Variants in CAPN5 observed in about 807,000 individuals in gnomAD.
CAPN5 encodes calpain 5, also known as calpain-5.
Under a neutral mutation model 73.0 loss-of-function variants are expected in CAPN5, and 54 were observed. The observed-to-expected ratio is 0.74, with a 90% CI of 0.59 to 0.93. The LOEUF (loss-of-function observed/expected upper bound fraction) is 0.93. Ranked by LOEUF, CAPN5 falls within the 40% of genes least tolerant of loss-of-function variation. CAPN5 has a pLI of 0.00. For synonymous variants in CAPN5, 335 were observed against 356.9 expected (o/e 0.94, Z 0.69); for missense variants, 785 against 882.9 (o/e 0.89, Z 1.41).
intron 1 of CAPN5, among the ~76,000 whole-genome samples, chr11:77,075,251 A>G (rs1470709290): frequency 3.9e-5 from 6 of 152,112 alleles, no homozygotes; most frequent in Admixed American, 3.3e-4. Flanking sequence ...TCAGGGCTGA[A>G]AACATCCTCC....
intron 4 of CAPN5, among the ~76,000 whole-genome samples, chr11:77,113,304 C>A: frequency 6.6e-6 from 1 of 152,246 alleles, no homozygotes; most frequent in East Asian, 1.9e-4. Context: ...GTGCCTTCTG[C>A]TTCTGTGTCC....
chr11:77,072,853 A>C (rs1037521067), intron 1 of CAPN5: 19 of 311,346 alleles, frequency 6.1e-5, no homozygotes, highest in Middle Eastern at 2.4e-3. Context: ...CCAGATTGAA[A>C]AATAGTGTGT....
chr11:77,110,667 C>T (rs1950402677), intron 3 of CAPN5, among the ~76,000 whole-genome samples: 1 of 152,214 alleles, frequency 6.6e-6, no homozygotes, highest in African/African-American at 2.4e-5. Context: ...GTGCCTGGCA[C>T]CCAACAGGGC....
chr11:77,073,649 G>A (rs986228700), intron 1 of CAPN5, among the ~76,000 whole-genome samples: 1 of 152,214 alleles, frequency 6.6e-6, no homozygotes, highest in Non-Finnish European at 1.5e-5. Context: ...TGCCCGCAAG[G>A]CCCTCTGTGT....
intron 1 of CAPN5, among the ~76,000 whole-genome samples, chr11:77,070,579 C>T (rs550594958): frequency 6.6e-6 from 1 of 152,322 alleles, no homozygotes; most frequent in South Asian, 2.1e-4. Context: ...CGGGTGGGAC[C>T]CCATGACACC....
intron 3 of CAPN5, among the ~76,000 whole-genome samples, chr11:77,109,529 T>C (rs559734136): frequency 6.6e-6 from 1 of 152,228 alleles, no homozygotes; most frequent in Non-Finnish European, 1.5e-5. Flanking sequence ...AATTAGCCCA[T>C]CTTTGGCCAT....
chr11:77,091,342 G>A (rs1555036488), intron 2 of CAPN5, among the ~76,000 whole-genome samples: 2 of 152,186 alleles, frequency 1.3e-5, no homozygotes, highest in African/African-American at 2.4e-5. Context: ...TCTGCTGGCC[G>A]CCTGTGGTAG....
chr11:77,079,348 G>C (rs1555034311), intron 1 of CAPN5, among the ~76,000 whole-genome samples: 1 of 152,016 alleles, frequency 6.6e-6, no homozygotes, highest in East Asian at 1.9e-4. Flanking sequence ...ATCTGGCTTT[G>C]GTAATGGGGT....
At chr11:77,093,537 CTG>C (rs1242356598) in intron 2 of CAPN5, 143 bp from the exon 3 acceptor site, 101 of 1,328,460 alleles carry the variant, frequency 7.6e-5, no homozygotes, top group Non-Finnish European at 9.8e-5. Context: ...GGCCCCAAGT[CTG>C]TGGTGGGAGG....
chr11:77,083,507 G>A (rs1950048655), intron 1 of CAPN5, among the ~76,000 whole-genome samples: 1 of 152,178 alleles, frequency 6.6e-6, no homozygotes, highest in Non-Finnish European at 1.5e-5. Context: ...GGGAGCTTGG[G>A]CAGGTCACCT....
At chr11:77,087,351 T>A (rs565752378) in intron 2 of CAPN5, among the ~76,000 whole-genome samples, 16 of 152,306 alleles carry the variant, frequency 1.1e-4, no homozygotes, top group African/African-American at 3.6e-4. Flanking sequence ...GAGAGGGAAC[T>A]TTGGCCTCAG....
chr11:77,109,047 T>C (rs1348055633), intron 3 of CAPN5, among the ~76,000 whole-genome samples: 1 of 152,230 alleles, frequency 6.6e-6, no homozygotes, highest in Non-Finnish European at 1.5e-5. Context: ...TTCTGTAACC[T>C]GGGACTTAGC....
chr11:77,073,359 T>A (rs1216260370), intron 1 of CAPN5, among the ~76,000 whole-genome samples: 1 of 152,134 alleles, frequency 6.6e-6, no homozygotes, highest in African/African-American at 2.4e-5. Flanking sequence ...CAGAAGCTCC[T>A]CTCCCTTGGC....
Position 77,119,085 on chromosome 11 carries a change from G to T in CAPN5, c.1223G>T (p.Arg408Leu). ...EDEVLICIQQ[R>L]PKRSTRREGK... ...GAAGTCCTGATCTGCATCCAGCAGC[G>T]GCCAAAGCGGTCTACGCGCCGGGAG... Residue 408 changes from arginine to leucine, a missense_variant, in exon 9 of 13, where the codon CGG becomes CTG. Physicochemically the swap from Arg to Leu is moderately radical, Grantham distance 102 (BLOSUM62 -2). Coordinates refer to ENST00000648180, the MANE Select transcript of CAPN5 (RefSeq NM_004055.5). 6.2e-7 allele frequency: 1 copy of T among 1,614,064 alleles called. No homozygotes were observed. Among genetic ancestry groups the T allele is most frequent in the African/African-American group, 1.3e-5 (1 of 75,072 alleles).
At chr11:77,122,882 C>A (rs535505443) in intron 12 of CAPN5, among the ~76,000 whole-genome samples, 170 bp downstream of exon 12, 1 of 152,328 alleles carries the variant, frequency 6.6e-6, no homozygotes, top group South Asian at 2.1e-4. Flanking sequence ...TCTTGCCACT[C>A]CAAGGTCCCT....
Position 77,096,671 on chromosome 11 carries a change from T to C in CAPN5, c.297+2858T>C, listed in dbSNP as rs1015247106. On this transcript the variant is annotated intron_variant, in intron 3 of 12. Transcript: ENST00000648180. ...CGACAGTTTGGCTGAACATTTGCCA[T>C]TGGTCCTGGCCTGGCCTAAGCCAAG... Among the ~76,000 whole-genome samples, 7 of 152,248 alleles carry C rather than the reference T, an allele frequency of 4.6e-5. No homozygotes were observed. In the East Asian group the frequency reaches 1.2e-3, roughly 25 times the overall value.
chr11:77,111,128 G>T (rs959890312), intron 3 of CAPN5, among the ~76,000 whole-genome samples: 1 of 152,130 alleles, frequency 6.6e-6, no homozygotes, highest in African/African-American at 2.4e-5. Context: ...GCTGAGTAGG[G>T]TCTGGCACTC....
chr11:77,095,339 C>T (rs782796684), intron 3 of CAPN5, among the ~76,000 whole-genome samples: 4 of 152,174 alleles, frequency 2.6e-5, no homozygotes, highest in Admixed American at 2.6e-4. Context: ...GCCCACCCCC[C>T]CACTAGATGA....
At chr11:77,099,510 T>C (rs1403074210) in intron 3 of CAPN5, among the ~76,000 whole-genome samples, 11 of 150,850 alleles carry the variant, frequency 7.3e-5, no homozygotes, top group Non-Finnish European at 1.5e-4. Flanking sequence ...GGCGGATCAC[T>C]CGCGGTTAGG....
Sources: gnomAD v4.1 joint callset for allele counts (sites outside exome capture counted in the v4.1 genomes callset) on GRCh38, gnomAD v4.1.1 for gene constraint, MANE v1.5 for transcripts, NCBI Gene and HGNC (gene_info 2026-07-23, HGNC 2026-07-21) for gene names.